CILK1: variants seen among roughly 807,000 people sequenced by gnomAD.
The protein encoded by CILK1 is ciliogenesis associated kinase 1.
Under a neutral mutation model 79.2 loss-of-function variants are expected in CILK1, and 47 were observed. The observed-to-expected ratio is 0.59, with a 90% CI of 0.47 to 0.76. The LOEUF is 0.76. Among genes scored for constraint, CILK1 ranks in the 30% least tolerant of loss-of-function variants. The pLI is 0.00. For synonymous variants in CILK1, 266 were observed against 275.9 expected (o/e 0.96, Z 0.36); for missense variants, 660 against 769.5 (o/e 0.86, Z 1.68).
At chr6:53,012,251 G>A (rs564909542) in intron 9 of CILK1, 24 bp from the exon 10 acceptor site, 9 of 1,610,766 alleles carry the variant, frequency 5.6e-6, no homozygotes, top group African/African-American at 2.7e-5. Flanking sequence ...CGGGGTGGGG[G>A]AAAGCAATAC....
intron 3 of CILK1, among the ~76,000 whole-genome samples, chr6:53,034,555 T>G (rs113384949): frequency 9.9e-5 from 15 of 152,254 alleles, no homozygotes; most frequent in African/African-American, 3.6e-4. Flanking sequence ...CTGTTTATCC[T>G]CATGGATGAA....
At chr6:53,019,988 G>A (rs1421271212) in intron 5 of CILK1, among the ~76,000 whole-genome samples, 1 of 152,010 alleles carries the variant, frequency 6.6e-6, no homozygotes, top group Admixed American at 6.6e-5. Flanking sequence ...ACTGTCTGAT[G>A]GGAATTGAGA....
At chr6:53,021,180 C>G (rs1029747019) in intron 5 of CILK1, among the ~76,000 whole-genome samples, 1 of 152,242 alleles carries the variant, frequency 6.6e-6, no homozygotes, top group South Asian at 2.1e-4. Context: ...TAAAAATTAG[C>G]CGGGCGTGGT....
At chr6:53,052,057 C>T (rs1233731675) in intron 1 of CILK1, 1 of 152,186 alleles carries the variant, frequency 6.6e-6, no homozygotes, top group East Asian at 1.9e-4. Flanking sequence ...CCTCGTCCCA[C>T]CTACCCCACA....
At chr6:53,049,688 G>A (rs1450680278) in intron 1 of CILK1, among the ~76,000 whole-genome samples, 2 of 152,192 alleles carry the variant, frequency 1.3e-5, no homozygotes, top group African/African-American at 2.4e-5. Context: ...CAGAGCTTCA[G>A]TCAAAGGCAA....
At chr6:53,054,012 A>C (rs1767668093) in intron 1 of CILK1, among the ~76,000 whole-genome samples, 1 of 152,142 alleles carries the variant, frequency 6.6e-6, no homozygotes, top group Admixed American at 6.5e-5. Context: ...AAAAAGGATA[A>C]ATGTTTCTGC....
chr6:53,038,971 T>C (rs989647465), intron 2 of CILK1, among the ~76,000 whole-genome samples: 1 of 152,222 alleles, frequency 6.6e-6, no homozygotes, highest in Non-Finnish European at 1.5e-5. Context: ...GTGAAACAGA[T>C]AGGACAGCTG....
Position 53,002,998 on chromosome 6 carries a change from A to G in CILK1, c.*2151T>C, listed in dbSNP as rs987489681. ...GCTGGGCCAGGTTTCACATTAATTT[A>G]CTTTTCATATATAATACAGAAAATG... On this transcript the variant is annotated 3_prime_UTR_variant, in exon 14 of 14. Transcript: ENST00000676107. The G allele has an allele frequency of 4.6e-5, 7 of 152,682 alleles. No individual in the cohort carries two copies. Among genetic ancestry groups the G allele is most frequent in the Admixed American group, 1.3e-4 (2 of 15,288 alleles). 9.5% of individuals were successfully genotyped at this position (152,682 alleles called of 1,614,324 possible). A position where few individuals can be genotyped will look rare whatever the true frequency, so the allele number is the denominator to read the frequency against.
chr6:53,027,671 A>G (rs1374842659), intron 5 of CILK1, among the ~76,000 whole-genome samples: 1 of 152,220 alleles, frequency 6.6e-6, no homozygotes, highest in Admixed American at 6.5e-5. Context: ...AATACCATAC[A>G]AAAACCATTA....
At chr6:53,059,651 C>A (rs1399409563) in intron 1 of CILK1, among the ~76,000 whole-genome samples, 2 of 152,044 alleles carry the variant, frequency 1.3e-5, no homozygotes, top group Non-Finnish European at 2.9e-5. Context: ...GCTTAGAGTG[C>A]AGAGATGCAT....
intron 1 of CILK1, among the ~76,000 whole-genome samples, chr6:53,055,996 G>C (rs1163866144): frequency 2.0e-5 from 3 of 152,238 alleles, no homozygotes; most frequent in African/African-American, 7.2e-5. Context: ...CTGCTTGCCT[G>C]TGTTTCAGGG....
At chr6:53,006,490 C>T in intron 12 of CILK1, 53 bp from the exon 13 acceptor site, 1 of 1,601,892 alleles carries the variant, frequency 6.2e-7, no homozygotes, top group Middle Eastern at 1.7e-4. Context: ...ACCCAGGACA[C>T]CAACAAGGTT....
chr6:53,009,899 T>C (rs1764462896), intron 11 of CILK1, among the ~76,000 whole-genome samples: 1 of 152,168 alleles, frequency 6.6e-6, no homozygotes, highest in African/African-American at 2.4e-5. Context: ...TTTCAGTTTC[T>C]TCTCCATCCC....
Position 53,004,473 on chromosome 6 carries a change from T to A in CILK1, c.*676A>T, listed in dbSNP as rs976241199. 1 of 152,156 alleles carries A rather than the reference T, an allele frequency of 6.6e-6. No homozygotes were observed. The highest frequency in any genetic ancestry group is 1.5e-5 in the Non-Finnish European group (1 of 68,024). 9.4% of individuals were successfully genotyped at this position (152,156 alleles called of 1,614,324 possible). A position where few individuals can be genotyped will look rare whatever the true frequency, so the allele number is the denominator to read the frequency against. The stretch of plus-strand genomic sequence containing the variant: ...ACCACATTAAAGGGTGTCAGAAAAA[T>A]TTTTTAAAATGTATTTACTTAGAGT... On this transcript the variant is annotated 3_prime_UTR_variant, in exon 14 of 14. Transcript: ENST00000676107.
chr6:53,039,591 T>C (rs2127449930), intron 2 of CILK1, among the ~76,000 whole-genome samples: 1 of 152,296 alleles, frequency 6.6e-6, no homozygotes, highest in African/African-American at 2.4e-5. Context: ...TTTAAGGAGC[T>C]GGACAGAATG....
intron 9 of CILK1, 24 bp from the exon 10 acceptor site, chr6:53,012,251 G>C: frequency 6.2e-7 from 1 of 1,610,766 alleles, no homozygotes; most frequent in Non-Finnish European, 8.5e-7. Context: ...CGGGGTGGGG[G>C]AAAGCAATAC....
intron 7 of CILK1, among the ~76,000 whole-genome samples, chr6:53,016,835 T>A (rs1349855952): frequency 6.6e-6 from 1 of 152,212 alleles, no homozygotes; most frequent in East Asian, 1.9e-4. Flanking sequence ...GTCTTTAAGG[T>A]TCCTTCTAGT....
At chr6:53,044,873 AT>A (rs1253218849) in intron 1 of CILK1, among the ~76,000 whole-genome samples, 1 of 152,150 alleles carries the variant, frequency 6.6e-6, no homozygotes, top group Non-Finnish European at 1.5e-5. Flanking sequence ...AAACCAAACC[AT>A]TTGATCTTGG....
chr6:53,010,085 C>CA (rs1314364398), intron 11 of CILK1, among the ~76,000 whole-genome samples: 4 of 152,096 alleles, frequency 2.6e-5, no homozygotes, highest in Non-Finnish European at 4.4e-5. Context: ...CCCCTACAAC[C>CA]AAAAAGAAAT....
Sources: gnomAD v4.1 joint callset for allele counts (sites outside exome capture counted in the v4.1 genomes callset) on GRCh38, gnomAD v4.1.1 for gene constraint, MANE v1.5 for transcripts, NCBI Gene and HGNC (gene_info 2026-07-23, HGNC 2026-07-21) for gene names.